ZNF831: variants seen among roughly 807,000 people sequenced by gnomAD.
ZNF831 encodes zinc finger protein 831.
In ZNF831, 59 loss-of-function variants were observed where a neutral mutation model predicts 95.8. That is an observed-to-expected ratio of 0.62 (90% CI 0.50 to 0.77). The LOEUF (loss-of-function observed/expected upper bound fraction) is 0.77. ZNF831 is among the 30% of genes least tolerant of loss of function. The probability of loss-of-function intolerance (pLI) is 0.00; values close to 1 mark genes in which losing one functional copy is unlikely to be tolerated. For missense variants in ZNF831, 2,205 were observed against 2,164.0 expected (o/e 1.02, Z -0.38); for synonymous variants, 961 against 925.5 (o/e 1.04, Z -0.70).
intron 1 of ZNF831, among the ~76,000 whole-genome samples, chr20:59,181,215 A>T (rs774777287): frequency 6.6e-6 from 1 of 151,878 alleles, no homozygotes; most frequent in Non-Finnish European, 1.5e-5. Flanking sequence ...CCACTTTTTG[A>T]TGGGGTTGTT....
chr20:59,242,800 G>C (rs4812067), intron 4 of ZNF831, among the ~76,000 whole-genome samples: 16,981 of 152,136 alleles, frequency 0.11, 1,489 homozygotes, highest in East Asian at 0.43. Flanking sequence ...GAGGAACCAG[G>C]GCTGAGGCTT....
At chr20:59,156,410 C>G (rs967922770) in intron 2 of ZNF831, among the ~76,000 whole-genome samples, 1 of 152,074 alleles carries the variant, frequency 6.6e-6, no homozygotes, top group Non-Finnish European at 1.5e-5. Flanking sequence ...CCTGTAAACC[C>G]AGCTACTCGG....
At chr20:59,206,389 T>C (rs950469368) in intron 3 of ZNF831, among the ~76,000 whole-genome samples, 11 of 152,258 alleles carry the variant, frequency 7.2e-5, no homozygotes, top group Non-Finnish European at 2.9e-5. Flanking sequence ...TGAAGAATGC[T>C]GTCCAGTACA....
intron 1 of ZNF831, among the ~76,000 whole-genome samples, chr20:59,175,097 C>T (rs1330422282): frequency 6.6e-6 from 1 of 152,122 alleles, no homozygotes; most frequent in Admixed American, 6.5e-5. Context: ...AACCTGCTTT[C>T]ATTAGAATTG....
chr20:59,158,470 G>A (rs557105146), intron 2 of ZNF831, among the ~76,000 whole-genome samples: 4 of 152,342 alleles, frequency 2.6e-5, no homozygotes, highest in African/African-American at 9.6e-5. Flanking sequence ...GGGTCAGGAG[G>A]ACATTGTCTT....
At chr20:59,248,671 T>G (rs979720301) in intron 4 of ZNF831, among the ~76,000 whole-genome samples, 3 of 152,250 alleles carry the variant, frequency 2.0e-5, no homozygotes, top group African/African-American at 4.8e-5. Flanking sequence ...ATTGCATGGT[T>G]GTTTTGTCAC....
intron 1 of ZNF831, among the ~76,000 whole-genome samples, chr20:59,127,499 C>G (rs1409310031): frequency 6.6e-6 from 1 of 152,192 alleles, no homozygotes; most frequent in Non-Finnish European, 1.5e-5. Flanking sequence ...CCACGGGGCT[C>G]CCTGCTCTTC....
intron 1 of ZNF831, among the ~76,000 whole-genome samples, chr20:59,131,164 C>A (rs1979341573): frequency 6.6e-6 from 1 of 152,194 alleles, no homozygotes. Flanking sequence ...GGGACCACTT[C>A]TTGGTCTGGA....
upstream of ZNF831, among the ~76,000 whole-genome samples, chr20:59,161,325 T>G (rs146409328): frequency 5.5e-3 from 831 of 152,238 alleles, 3 homozygotes; most frequent in Non-Finnish European, 9.0e-3. Flanking sequence ...TAGTCCGGGC[T>G]GGAGTGCAGT....
Position 59,253,859 on chromosome 20 carries a change from T to TTC in ZNF831, c.4189-39_4189-38insTC. On this transcript the variant is annotated intron_variant, in intron 5 of 5. Transcript: ENST00000371030. ...ACATTTTTCTTTGTACCAATTAACC[T>TTC]CCCCCCCCACTTTTTTTTTCCTTTG... 4 of 915,762 alleles carry TTC rather than the reference T, an allele frequency of 4.4e-6. No homozygotes were observed. In the South Asian group the frequency reaches 7.2e-5, roughly 17 times the overall value. The allele number at this position is 915,762 out of a possible 1,614,324, so 56.7% of individuals were successfully genotyped here.
chr20:59,219,970 T>G (rs1407991801), intron 4 of ZNF831, among the ~76,000 whole-genome samples: 1 of 152,138 alleles, frequency 6.6e-6, no homozygotes, highest in Non-Finnish European at 1.5e-5. Context: ...AATATGGGCA[T>G]TTTAAAGATA....
At chr20:59,149,123 G>A (rs1030407648) in intron 2 of ZNF831, among the ~76,000 whole-genome samples, 14 of 152,224 alleles carry the variant, frequency 9.2e-5, no homozygotes, top group Non-Finnish European at 1.6e-4. Context: ...GTCAGACAAG[G>A]TAAGGGCTCT....
rs113314467 is a variant in ZNF831 at position 59,144,882 on chromosome 20, A to G, written c.-1424-1349A>G. Among the ~76,000 whole-genome samples, 261 of 152,266 alleles carry G rather than the reference A, an allele frequency of 1.7e-3. 2 individuals are homozygous for G. The highest frequency in any genetic ancestry group is 0.014 in the Middle Eastern group (4 of 294). On this transcript the variant is annotated intron_variant, in intron 1 of 7. Transcript: ENST00000637017. ...AGAGGACATCTCATTTAATTTTTAT[A>G]GTGTCCAGAAGACTGTCTGGAGGGC... is the stretch of plus-strand genomic sequence containing the variant.
Position 59,191,618 on chromosome 20 carries a change from C to T in ZNF831, c.599C>T (p.Ser200Phe), listed in dbSNP as rs201581384. 6,462 of 1,587,258 alleles carry T rather than the reference C, an allele frequency of 4.1e-3. 15 individuals are homozygous for T. The highest frequency in any genetic ancestry group is 5.0e-3 in the Non-Finnish European group (5,882 of 1,165,088). Reference protein sequence around the residue: ...HRRTQTHLNNSRLSSESEGAG... With the variant: ...HRRTQTHLNNFRLSSESEGAG... ...CGGACGCAGACGCACCTCAACAACTCCCGGCTGTCCTCAGAGTCCGAGGGC... is the reference window on the plus strand; with the variant it reads ...CGGACGCAGACGCACCTCAACAACTTCCGGCTGTCCTCAGAGTCCGAGGGC... Residue 200 changes from serine (S) to phenylalanine (F), a missense_variant, in exon 2 of 6, where the codon TCC becomes TTC. Ser to Phe is a radical substitution (Grantham distance 155). Coordinates refer to ENST00000371030, the MANE Select transcript of ZNF831 (RefSeq NM_178457.3).
chr20:59,206,318 A>C (rs1033486665), intron 3 of ZNF831, among the ~76,000 whole-genome samples: 2 of 151,234 alleles, frequency 1.3e-5, no homozygotes, highest in African/African-American at 4.9e-5. Context: ...ATTTGAAGAA[A>C]ATTTATTTGA....
intron 3 of ZNF831, among the ~76,000 whole-genome samples, chr20:59,202,568 C>T (rs6026759): frequency 5.9e-5 from 9 of 151,960 alleles, no homozygotes; most frequent in African/African-American, 1.2e-4. Context: ...TGGGGGTGCT[C>T]GTTTGTTTGT....
intron 2 of ZNF831, 134 bp from the exon 3 acceptor site, chr20:59,195,735 C>A: frequency 6.8e-7 from 1 of 1,479,862 alleles, no homozygotes; most frequent in South Asian, 1.4e-5. Context: ...AGGGGCTCAG[C>A]CCGTTTAGCA....
intron 1 of ZNF831, among the ~76,000 whole-genome samples, chr20:59,181,411 A>G (rs560592256): frequency 1.6e-4 from 24 of 152,142 alleles, no homozygotes; most frequent in African/African-American, 5.5e-4. Flanking sequence ...CTTTTGTTGC[A>G]ATTGCTTTTG....
At chr20:59,158,027 G>C (rs1196953877) in intron 2 of ZNF831, among the ~76,000 whole-genome samples, 2 of 152,196 alleles carry the variant, frequency 1.3e-5, no homozygotes, top group East Asian at 3.8e-4. Context: ...TCAGGTGCTG[G>C]AAATGATTTC....
Sources: gnomAD v4.1 joint callset for allele counts (sites outside exome capture counted in the v4.1 genomes callset) on GRCh38, gnomAD v4.1.1 for gene constraint, MANE v1.5 for transcripts, NCBI Gene and HGNC (gene_info 2026-07-23, HGNC 2026-07-21) for gene names.